CLEC4F: variants seen among roughly 807,000 people sequenced by gnomAD.
CLEC4F encodes the protein C-type lectin domain family 4 member F, also known as C-type (calcium dependent, carbohydrate-recognition domain) lectin, superfamily member 13.
Under a neutral mutation model 53.4 loss-of-function variants are expected in CLEC4F, and 45 were observed. The ratio of observed to expected loss-of-function variants is 0.84; its 90% CI spans 0.66 to 1.08. CLEC4F has a LOEUF of 1.08. CLEC4F is among the 50% of genes least tolerant of loss of function. The probability of loss-of-function intolerance (pLI) is 0.00; values close to 1 mark genes in which losing one functional copy is unlikely to be tolerated. For missense variants in CLEC4F, 753 were observed against 698.2 expected, an observed-to-expected ratio of 1.08 and a Z score of -0.88; for synonymous variants, 245 against 257.5, an observed-to-expected ratio of 0.95 and a Z score of 0.46.
upstream of CLEC4F, among the ~76,000 whole-genome samples, chr2:70,822,034 C>T (rs913493579): frequency 1.3e-5 from 2 of 152,162 alleles, no homozygotes; most frequent in Admixed American, 6.5e-5. Context: ...GCTGGGACTA[C>T]AGGCATGAGC....
intron 2 of CLEC4F, 142 bp from the exon 3 acceptor site, chr2:70,819,586 C>A: frequency 1.1e-6 from 1 of 905,772 alleles, no homozygotes; most frequent in Admixed American, 2.0e-5. Context: ...AACCTCAGTT[C>A]TTGGGAGGCT....
chr2:70,825,205 C>T (rs375883223), upstream of CLEC4F, among the ~76,000 whole-genome samples: 2 of 152,156 alleles, frequency 1.3e-5, no homozygotes, highest in African/African-American at 4.8e-5. Flanking sequence ...AAGTACCTGA[C>T]CAGTGGGCTC....
At chr2:70,811,184 T>C in intron 5 of CLEC4F, 1 of 710,172 alleles carries the variant, frequency 1.4e-6, no homozygotes, top group East Asian at 3.7e-5. Flanking sequence ...GTCATTTGAG[T>C]ACAAGTATCT....
Position 70,816,811 on chromosome 2 carries a change from T to C in CLEC4F, c.570A>G (p.Ala190=), listed in dbSNP as rs782047969. 4 of 1,614,196 alleles carry C rather than the reference T, an allele frequency of 2.5e-6. No homozygotes were observed. In the East Asian group the frequency reaches 8.9e-5, roughly 36 times the overall value. The change falls in exon 4 of 7, where the codon GCA becomes GCG. Residue 190 remains alanine, a synonymous_variant. Transcript: ENST00000272367. The part of the protein sequence containing the change: ...IQRLKEDLEK[A]DALTFQTLNF... The stretch of plus-strand genomic sequence containing the variant: ...TCAGCGTCTGGAAAGTTAAAGCATC[T>C]GCCTTTTCAAGGTCTTCCTTGAGCC...
At chr2:70,809,933 T>C (rs1553393822) in intron 5 of CLEC4F, 76 bp from the exon 6 acceptor site, 1 of 874,654 alleles carries the variant, frequency 1.1e-6, no homozygotes, top group Non-Finnish European at 2.0e-6. Context: ...AGAACCTGCT[T>C]ATAGATATAC....
intron 5 of CLEC4F, among the ~76,000 whole-genome samples, chr2:70,811,678 G>A (rs568430509): frequency 1.3e-5 from 2 of 152,228 alleles, no homozygotes; most frequent in South Asian, 2.1e-4. Flanking sequence ...CACCTGGGAC[G>A]GTATTGCGTT....
intron 5 of CLEC4F, among the ~76,000 whole-genome samples, chr2:70,810,510 T>G (rs1676489810): frequency 6.7e-6 from 1 of 149,108 alleles, no homozygotes; most frequent in African/African-American, 2.5e-5. Context: ...TCCCAGCTAC[T>G]TGGGAAGCTG....
At chr2:70,812,177 A>C (rs1676605607) in intron 5 of CLEC4F, among the ~76,000 whole-genome samples, 1 of 152,158 alleles carries the variant, frequency 6.6e-6, no homozygotes. Flanking sequence ...TAAGGGCATC[A>C]CCTGATGCCA....
chr2:70,809,420 TC>T (rs1379754298), intron 6 of CLEC4F, 38 bp from the exon 7 acceptor site: 22 of 1,559,496 alleles, frequency 1.4e-5, no homozygotes, highest in Non-Finnish European at 1.9e-5. Flanking sequence ...AAAGACCCAC[TC>T]ACTGGCTGCA....
chr2:70,823,036 G>T (rs1677266613), upstream of CLEC4F, among the ~76,000 whole-genome samples: 1 of 152,208 alleles, frequency 6.6e-6, no homozygotes, highest in Non-Finnish European at 1.5e-5. Flanking sequence ...AACCCGGCAA[G>T]CAAGTCGCCC....
chr2:70,809,115 G>T lies in CLEC4F; in HGVS notation c.*156C>A. The stretch of plus-strand genomic sequence containing the variant: ...CAGGGCTTTATACTGTTAGATGAAG[G>T]CAGCATCCCTTCCTGGTGCTGTGGC... On this transcript the variant is annotated 3_prime_UTR_variant, in exon 7 of 7. Coordinates refer to ENST00000272367, the MANE Select transcript of CLEC4F (RefSeq NM_173535.3). 1 of 1,550,714 alleles carries T rather than the reference G, an allele frequency of 6.4e-7. No individual in the cohort carries two copies. Among genetic ancestry groups the T allele is most frequent in the Non-Finnish European group, 8.7e-7 (1 of 1,147,036 alleles).
rs1676439172 is a variant in CLEC4F at position 70,809,681 on chromosome 2, G to A, written c.1658+58C>T. 4 of 1,276,118 alleles carry A rather than the reference G, an allele frequency of 3.1e-6. No individual in the cohort carries two copies. The South Asian group carries it at 4.7e-5, about 15-fold the overall frequency. The allele number at this position is 1,276,118 out of a possible 1,614,324, so 79.0% of individuals were successfully genotyped here. A position where few individuals can be genotyped will look rare whatever the true frequency, so the allele number is the denominator to read the frequency against. On this transcript the variant is annotated intron_variant, in intron 6 of 6. Transcript: ENST00000272367. ...CTTACTGGGAAGGGACACACAGTGT[G>A]TAGCTAGGTCCACCAAAGACAGTGC...
In CLEC4F at chr2:70,819,428, T is replaced by C; in HGVS notation, c.195A>G (p.Arg65=). The change falls in exon 3 of 7, where the codon AGA becomes AGG. Residue 65 remains arginine, a synonymous_variant. Transcript: ENST00000272367. ...CGGCTTGCACAGGCTTCGGAACAGG[T>C]CTTGTCTGCTGTTGAACTGAGACAT... ...TLFVVVQQQT[R]PVPKPVQAVI... The C allele has an allele frequency of 6.2e-7, 1 of 1,613,930 alleles. No homozygotes were observed. Among genetic ancestry groups the C allele is most frequent in the Non-Finnish European group, 8.5e-7 (1 of 1,179,956 alleles).
chr2:70,810,773 A>G (rs1341953340), intron 5 of CLEC4F: 8 of 484,588 alleles, frequency 1.7e-5, no homozygotes, highest in Non-Finnish European at 3.2e-5. Context: ...TTATGTGATC[A>G]GTACATTTTC....
upstream of CLEC4F, among the ~76,000 whole-genome samples, chr2:70,824,024 CA>C (rs1179902981): frequency 3.1e-4 from 19 of 60,680 alleles, no homozygotes; most frequent in Admixed American, 8.9e-4. Context: ...AGCAAGACTC[CA>C]AAAAAAAAAA....
intron 2 of CLEC4F, 53 bp from the exon 3 acceptor site, chr2:70,819,497 G>T: frequency 6.6e-7 from 1 of 1,505,084 alleles, no homozygotes; most frequent in South Asian, 1.1e-5. Flanking sequence ...GAGCCTGGGA[G>T]GATACGCTGT....
At chr2:70,817,512 C>T (rs1362658395) in intron 3 of CLEC4F, among the ~76,000 whole-genome samples, 2 of 152,144 alleles carry the variant, frequency 1.3e-5, no homozygotes, top group Admixed American at 1.3e-4. Flanking sequence ...ACAGATGGGT[C>T]ATTATGGGAA....
upstream of CLEC4F, among the ~76,000 whole-genome samples, chr2:70,821,410 A>G (rs1677214776): frequency 6.6e-6 from 1 of 152,130 alleles, no homozygotes; most frequent in Non-Finnish European, 1.5e-5. Flanking sequence ...ACTTTCAGCC[A>G]CCCACTCCCA....
At chr2:70,820,399 G>A in intron 1 of CLEC4F, 64 bp downstream of exon 1, 1 of 1,455,108 alleles carries the variant, frequency 6.9e-7, no homozygotes, top group Non-Finnish European at 9.4e-7. Context: ...CCTTATGGCA[G>A]AGGGCCAAAG....
Sources: allele counts gnomAD v4.1 joint callset (sites outside exome capture counted in the v4.1 genomes callset), GRCh38; gene constraint gnomAD v4.1.1; transcripts MANE v1.5; gene names NCBI Gene and HGNC (gene_info 2026-07-23, HGNC 2026-07-21).